The following MYO1D variants were observed in gnomAD, a reference collection of about 807,000 sequenced individuals.
The protein encoded by MYO1D is unconventional myosin-Id.
MYO1D carries 83 observed loss-of-function variants against 122.0 expected under a neutral mutation model. The ratio of observed to expected loss-of-function variants is 0.68; its 90% confidence interval spans 0.57 to 0.82. MYO1D has a LOEUF of 0.82. Ranked by LOEUF, MYO1D falls within the 40% of genes least tolerant of loss-of-function variation. MYO1D has a pLI of 0.00. For missense variants in MYO1D, 1,157 were observed against 1,269.5 expected (o/e 0.91, Z 1.35); for synonymous variants, 464 against 446.9 (o/e 1.04, Z -0.48).
At chr17:32,625,502 G>A (rs1314959281) in intron 20 of MYO1D, among the ~76,000 whole-genome samples, 1 of 152,118 alleles carries the variant, frequency 6.6e-6, no homozygotes, top group African/African-American at 2.4e-5. Flanking sequence ...GAAACACCTG[G>A]CATGACACAT....
intron 21 of MYO1D, among the ~76,000 whole-genome samples, chr17:32,540,048 C>CA (rs1057053275): frequency 6.0e-5 from 9 of 151,170 alleles, no homozygotes; most frequent in South Asian, 4.2e-4. Flanking sequence ...AGGATACTGC[C>CA]AAAAAAAAGA....
At chr17:32,558,531 G>C (rs1003641640) in intron 21 of MYO1D, among the ~76,000 whole-genome samples, 9 of 152,160 alleles carry the variant, frequency 5.9e-5, no homozygotes. Flanking sequence ...AGGGCGCATT[G>C]TCAGATAACA....
chr17:32,771,264 G>T, intron 5 of MYO1D, 44 bp from the exon 6 acceptor site: 2 of 1,363,240 alleles, frequency 1.5e-6, no homozygotes, highest in South Asian at 1.2e-5. Context: ...GACATACATT[G>T]AACCAAACAT....
intron 19 of MYO1D, among the ~76,000 whole-genome samples, chr17:32,648,187 C>A (rs1035291703): frequency 6.6e-6 from 1 of 152,104 alleles, no homozygotes; most frequent in Admixed American, 6.5e-5. Context: ...GCACCCTAGC[C>A]TGGGTGACAG....
chr17:32,645,809 C>A (rs1030304286), intron 19 of MYO1D, among the ~76,000 whole-genome samples: 10 of 152,060 alleles, frequency 6.6e-5, no homozygotes, highest in Admixed American at 1.3e-4. Flanking sequence ...TTCATCTAAT[C>A]TTTTTTCAAG....
At chr17:32,744,968 A>C (rs1303164665) in intron 13 of MYO1D, among the ~76,000 whole-genome samples, 1 of 152,258 alleles carries the variant, frequency 6.6e-6, no homozygotes, top group East Asian at 1.9e-4. Context: ...GGCTGGCAGC[A>C]GTGAGCACAG....
chr17:32,812,398 T>C (rs1387943841), intron 1 of MYO1D, among the ~76,000 whole-genome samples: 1 of 152,268 alleles, frequency 6.6e-6, no homozygotes, highest in Non-Finnish European at 1.5e-5. Flanking sequence ...TTTCTCTTCC[T>C]ATTTTACATA....
intron 1 of MYO1D, among the ~76,000 whole-genome samples, chr17:32,818,563 T>C (rs550982147): frequency 1.3e-5 from 2 of 152,226 alleles, no homozygotes; most frequent in South Asian, 2.1e-4. Flanking sequence ...GAGAGACCAA[T>C]GGGGGAAATA....
intron 17 of MYO1D, among the ~76,000 whole-genome samples, chr17:32,657,620 A>G (rs1441734119): frequency 6.6e-6 from 1 of 152,244 alleles, no homozygotes; most frequent in African/African-American, 2.4e-5. Flanking sequence ...AATGTAGCAG[A>G]CCTGTTAGTT....
At chr17:32,597,102 G>C (rs1251187377) in intron 21 of MYO1D, among the ~76,000 whole-genome samples, 1 of 152,230 alleles carries the variant, frequency 6.6e-6, no homozygotes, top group Non-Finnish European at 1.5e-5. Context: ...TGCTATGAGA[G>C]ATTGTTCACT....
intron 19 of MYO1D, among the ~76,000 whole-genome samples, chr17:32,649,699 G>A (rs553558128): frequency 6.6e-6 from 1 of 151,828 alleles, no homozygotes; most frequent in African/African-American, 2.4e-5. Flanking sequence ...AGCCTCCCGA[G>A]CAGCTGGGAT....
At chr17:32,645,201 G>T (rs1403637329) in intron 19 of MYO1D, among the ~76,000 whole-genome samples, 1 of 152,180 alleles carries the variant, frequency 6.6e-6, no homozygotes, top group Non-Finnish European at 1.5e-5. Flanking sequence ...TGAAATTGCG[G>T]GTTGAAAATT....
intron 21 of MYO1D, among the ~76,000 whole-genome samples, chr17:32,562,744 A>C (rs1180122121): frequency 1.3e-5 from 2 of 152,208 alleles, no homozygotes; most frequent in African/African-American, 4.8e-5. Flanking sequence ...CTGGGATTAT[A>C]GGCGTGCGCC....
chr17:32,829,662 C>T (rs997772285), intron 1 of MYO1D, among the ~76,000 whole-genome samples: 1 of 152,174 alleles, frequency 6.6e-6, no homozygotes, highest in African/African-American at 2.4e-5. Context: ...GCCATGTTGG[C>T]CAGGCTGATC....
chr17:32,552,581 C>A (rs2150885254), intron 21 of MYO1D, among the ~76,000 whole-genome samples: 1 of 152,272 alleles, frequency 6.6e-6, no homozygotes, highest in Non-Finnish European at 1.5e-5. Context: ...CACCTTCCTC[C>A]TTCTGTCCTT....
chr17:32,622,237 C>G (rs1252459369), intron 20 of MYO1D, among the ~76,000 whole-genome samples: 7 of 152,132 alleles, frequency 4.6e-5, no homozygotes. Flanking sequence ...TTGAACCCAT[C>G]TCCCCCTCTT....
At chr17:32,617,355 C>T (rs1212512005) in intron 20 of MYO1D, among the ~76,000 whole-genome samples, 1 of 152,142 alleles carries the variant, frequency 6.6e-6, no homozygotes, top group Non-Finnish European at 1.5e-5. Flanking sequence ...GATTCCAGCC[C>T]CAGCCCTTAA....
At chr17:32,716,554 T>C (rs553238590) in intron 15 of MYO1D, among the ~76,000 whole-genome samples, 4 of 152,274 alleles carry the variant, frequency 2.6e-5, no homozygotes, top group South Asian at 2.1e-4. Context: ...GGGGCAGAGA[T>C]CAAAGCCAAA....
intron 15 of MYO1D, among the ~76,000 whole-genome samples, chr17:32,712,854 A>C (rs999273733): frequency 6.6e-6 from 1 of 152,166 alleles, no homozygotes; most frequent in Non-Finnish European, 1.5e-5. Flanking sequence ...GACAGAAGTC[A>C]CAGAGTCACA....
Sources: allele counts gnomAD v4.1 joint callset (sites outside exome capture counted in the v4.1 genomes callset), GRCh38; gene constraint gnomAD v4.1.1; transcripts MANE v1.5; gene names NCBI Gene and HGNC (gene_info 2026-07-23, HGNC 2026-07-21).